FRK: variants seen among roughly 807,000 people sequenced by gnomAD.
FRK encodes the protein tyrosine-protein kinase FRK.
In FRK, 51 loss-of-function variants were observed where a neutral mutation model predicts 56.4. The ratio of observed to expected loss-of-function variants is 0.90; its 90% CI spans 0.72 to 1.14. FRK has a LOEUF of 1.14. Ranked by LOEUF, FRK falls within the 50% of genes most tolerant of loss-of-function variation. The probability of loss-of-function intolerance (pLI) is 0.00; values close to 1 mark genes in which losing one functional copy is unlikely to be tolerated. For synonymous variants in FRK, 245 were observed against 217.9 expected, an observed-to-expected ratio of 1.12 and a Z score of -1.10; for missense variants, 570 against 601.4, an observed-to-expected ratio of 0.95 and a Z score of 0.55.
intron 1 of FRK, among the ~76,000 whole-genome samples, chr6:116,034,270 G>A (rs1302234989): frequency 6.6e-6 from 1 of 152,114 alleles, no homozygotes; most frequent in Non-Finnish European, 1.5e-5. Flanking sequence ...CCAACACGGA[G>A]AATTGATCAG....
chr6:116,030,546 G>C (rs140973872), intron 1 of FRK, among the ~76,000 whole-genome samples: 53 of 152,198 alleles, frequency 3.5e-4, no homozygotes, highest in Non-Finnish European at 6.2e-4. Flanking sequence ...GAAAGAACAA[G>C]CCATGAGGAG....
chr6:116,082,412 G>A, the FRK span, among the ~76,000 whole-genome samples: 2 of 152,154 alleles, frequency 1.3e-5, no homozygotes, highest in Non-Finnish European at 2.9e-5. Flanking sequence ...GTAGAAGTAG[G>A]AGGACCAGTT....
At position 115,993,568 on chromosome 6, in the gene FRK, G is replaced by A. The variant is rs529139486; in HGVS notation, c.466+10309C>T. 3.0e-4 allele frequency among the ~76,000 whole-genome samples: 45 copies of A among 151,748 alleles called. No individual in the cohort carries two copies. In the South Asian group the frequency reaches 6.4e-3, roughly 22 times the overall value. Reference sequence around the variant, plus strand: ...ATTAATATAAAAGAGGGCTTGGCCTGACTTCACCACTACACAATATATTCA... The same window carrying A: ...ATTAATATAAAAGAGGGCTTGGCCTAACTTCACCACTACACAATATATTCA... On this transcript the variant is annotated intron_variant, in intron 2 of 7. Coordinates refer to ENST00000606080, the MANE Select transcript of FRK (RefSeq NM_002031.3).
chr6:115,942,974 T>TA (rs1772253248), intron 7 of FRK, 46 bp downstream of exon 7: 3 of 1,573,738 alleles, frequency 1.9e-6, no homozygotes, highest in Non-Finnish European at 2.6e-6. Flanking sequence ...CACACCTAAG[T>TA]AAGTGACATG....
At chr6:116,024,442 A>G (rs1490757083) in intron 1 of FRK, among the ~76,000 whole-genome samples, 1 of 140,332 alleles carries the variant, frequency 7.1e-6, no homozygotes, top group Non-Finnish European at 1.5e-5. Flanking sequence ...CAGTCCCCAG[A>G]ATGTGATGTT....
chr6:115,989,756 A>G (rs753998323), intron 2 of FRK, among the ~76,000 whole-genome samples: 3 of 151,956 alleles, frequency 2.0e-5, no homozygotes, highest in Non-Finnish European at 4.4e-5. Flanking sequence ...ATACAGGTGC[A>G]GGTGTCTTTT....
chr6:116,059,939 G>A (rs1454445035), intron 1 of FRK, 29 bp downstream of exon 1: 2 of 1,565,516 alleles, frequency 1.3e-6, no homozygotes, highest in South Asian at 2.3e-5. Flanking sequence ...AGAGAGTTCA[G>A]AAATTAAGTA....
chr6:116,018,234 T>C (rs886588586), intron 1 of FRK, among the ~76,000 whole-genome samples: 3 of 152,214 alleles, frequency 2.0e-5, no homozygotes, highest in Admixed American at 1.3e-4. Flanking sequence ...AACTAGATTC[T>C]GGGTCTCCCT....
At chr6:116,087,607 G>C in the FRK span, among the ~76,000 whole-genome samples, 1 of 152,244 alleles carries the variant, frequency 6.6e-6, no homozygotes, top group Non-Finnish European at 1.5e-5. Flanking sequence ...AGAGAATACA[G>C]AGTAGCCCAC....
the FRK span, among the ~76,000 whole-genome samples, chr6:116,093,271 A>T: frequency 2.0e-5 from 3 of 152,168 alleles, no homozygotes; most frequent in East Asian, 1.9e-4. Context: ...CCCCCGGGCT[A>T]TCAGTTATGT....
chr6:116,007,938 G>GA (rs1258775553), intron 1 of FRK, among the ~76,000 whole-genome samples: 1 of 151,758 alleles, frequency 6.6e-6, no homozygotes, highest in East Asian at 1.9e-4. Context: ...GTTTTTATTT[G>GA]AAAAAAATGA....
intron 5 of FRK, among the ~76,000 whole-genome samples, chr6:115,950,014 C>T (rs1772658521): frequency 6.6e-6 from 1 of 152,238 alleles, no homozygotes; most frequent in South Asian, 2.1e-4. Context: ...TTCCTTACAC[C>T]TTGTACAAAA....
At chr6:115,979,288 C>T (rs575674192) in intron 2 of FRK, among the ~76,000 whole-genome samples, 2 of 151,484 alleles carry the variant, frequency 1.3e-5, no homozygotes, top group African/African-American at 2.4e-5. Context: ...CTGACTAGTC[C>T]AAAGGTCGTG....
At chr6:115,945,326 C>T (rs1205995013) in intron 5 of FRK, among the ~76,000 whole-genome samples, 4 of 152,118 alleles carry the variant, frequency 2.6e-5, no homozygotes, top group South Asian at 2.1e-4. Flanking sequence ...TACACTCCTA[C>T]GAACAGTGTA....
At chr6:116,028,689 C>T (rs1416248676) in intron 1 of FRK, among the ~76,000 whole-genome samples, 1 of 152,060 alleles carries the variant, frequency 6.6e-6, no homozygotes, top group African/African-American at 2.4e-5. Flanking sequence ...TCCAAATTTC[C>T]CCTTTATATA....
intron 1 of FRK, among the ~76,000 whole-genome samples, chr6:116,013,608 G>A (rs374277387): frequency 6.6e-6 from 1 of 152,028 alleles, no homozygotes; most frequent in Non-Finnish European, 1.5e-5. Flanking sequence ...ATGATGCCTA[G>A]GAAAATGCCT....
At chr6:116,044,966 T>G (rs1218907098) in intron 1 of FRK, among the ~76,000 whole-genome samples, 1 of 152,106 alleles carries the variant, frequency 6.6e-6, no homozygotes. Flanking sequence ...AAATCATGAG[T>G]GAACTCTCAT....
upstream of FRK, among the ~76,000 whole-genome samples, chr6:116,065,835 T>C (rs929436796): frequency 2.0e-5 from 3 of 152,246 alleles, no homozygotes; most frequent in Admixed American, 6.5e-5. Flanking sequence ...TGAAATCTAA[T>C]GAATGTCATT....
intron 6 of FRK, 88 bp downstream of exon 6, chr6:115,944,156 T>C (rs1429572320): frequency 6.3e-6 from 7 of 1,105,948 alleles, no homozygotes; most frequent in Middle Eastern, 3.1e-4. Flanking sequence ...GAAACATTGT[T>C]TTAAAGAATA....
Sources: gnomAD v4.1 joint callset for allele counts (sites outside exome capture counted in the v4.1 genomes callset) on GRCh38, gnomAD v4.1.1 for gene constraint, MANE v1.5 for transcripts, NCBI Gene and HGNC (gene_info 2026-07-23, HGNC 2026-07-21) for gene names.